The following MTUS2 variants were observed in gnomAD, a reference collection of about 807,000 sequenced individuals.
MTUS2 encodes microtubule associated scaffold protein 2, also known as microtubule-associated tumor suppressor candidate 2.
MTUS2 carries 40 observed loss-of-function variants against 114.1 expected under a neutral mutation model. That is an observed-to-expected ratio of 0.35 (90% confidence interval 0.27 to 0.46). The LOEUF is 0.46. MTUS2 is among the 20% of genes least tolerant of loss of function. The pLI is 1.00. For missense variants in MTUS2, 1,679 were observed against 1,705.4 expected, an observed-to-expected ratio of 0.98 and a Z score of 0.27; for synonymous variants, 688 against 672.0, an observed-to-expected ratio of 1.02 and a Z score of -0.37.
intron 2 of MTUS2, among the ~76,000 whole-genome samples, chr13:28,929,342 AAGAC>A (rs1292607086): frequency 2.0e-5 from 3 of 152,212 alleles, no homozygotes; most frequent in African/African-American, 7.2e-5. Flanking sequence ...GCATAAATAA[AAGAC>A]AAGTATTTAA....
At chr13:29,106,349 A>G (rs1253344981) in intron 5 of MTUS2, among the ~76,000 whole-genome samples, 2 of 152,196 alleles carry the variant, frequency 1.3e-5, no homozygotes, top group Non-Finnish European at 2.9e-5. Context: ...GGGAATTTCA[A>G]AATCAGCATT....
intron 4 of MTUS2, among the ~76,000 whole-genome samples, chr13:29,039,128 A>G (rs113054500): frequency 0.021 from 3,217 of 152,264 alleles, 51 homozygotes; most frequent in Non-Finnish European, 0.032. Context: ...ATTGACATAG[A>G]GGACTTTGTA....
chr13:29,069,119 C>T (rs1183138726), intron 4 of MTUS2, among the ~76,000 whole-genome samples: 2 of 152,012 alleles, frequency 1.3e-5, no homozygotes, highest in Non-Finnish European at 1.5e-5. Context: ...TAATTAAATT[C>T]CTTTATTAGT....
At chr13:29,369,692 C>T (rs1187627529) in intron 8 of MTUS2, among the ~76,000 whole-genome samples, 2 of 152,224 alleles carry the variant, frequency 1.3e-5, no homozygotes, top group Admixed American at 1.3e-4. Context: ...AAAAACACAT[C>T]ACTTCTGCCC....
chr13:29,422,894 T>C (rs1463270604), intron 8 of MTUS2, among the ~76,000 whole-genome samples: 1 of 152,212 alleles, frequency 6.6e-6, no homozygotes, highest in Non-Finnish European at 1.5e-5. Context: ...CCTCCCAAAG[T>C]GCTGGGATTA....
chr13:29,352,063 G>A (rs979123604), intron 7 of MTUS2, among the ~76,000 whole-genome samples: 3 of 152,152 alleles, frequency 2.0e-5, no homozygotes, highest in Admixed American at 2.0e-4. Flanking sequence ...GCATCTGCAA[G>A]TGTTGGTTCT....
intron 4 of MTUS2, among the ~76,000 whole-genome samples, chr13:29,071,516 T>C (rs1888937023): frequency 7.4e-6 from 1 of 134,584 alleles, no homozygotes; most frequent in Non-Finnish European, 1.5e-5. Context: ...AACCTCTGCC[T>C]CCCGGGTTCA....
At chr13:28,997,795 A>T (rs1389674106) in intron 2 of MTUS2, among the ~76,000 whole-genome samples, 1 of 151,930 alleles carries the variant, frequency 6.6e-6, no homozygotes, top group Non-Finnish European at 1.5e-5. Context: ...TCTGCACGTG[A>T]GATGGGTTTC....
chr13:29,469,078 G>T (rs932695943), intron 9 of MTUS2, among the ~76,000 whole-genome samples: 2 of 152,186 alleles, frequency 1.3e-5, no homozygotes, highest in Non-Finnish European at 2.9e-5. Flanking sequence ...TACTGAAGGT[G>T]CCCAACCTCC....
At chr13:29,415,798 A>G (rs140481812) in intron 8 of MTUS2, among the ~76,000 whole-genome samples, 12 of 152,184 alleles carry the variant, frequency 7.9e-5, no homozygotes, top group African/African-American at 2.2e-4. Flanking sequence ...TTACTCTTCA[A>G]TTATGAAAAA....
chr13:29,062,087 C>G (rs940685982), intron 4 of MTUS2, among the ~76,000 whole-genome samples: 7 of 152,156 alleles, frequency 4.6e-5, no homozygotes, highest in African/African-American at 1.7e-4. Context: ...AGGATTCAAG[C>G]AATTCTCGTG....
chr13:28,835,803 A>G (rs937033159), intron 1 of MTUS2, among the ~76,000 whole-genome samples: 1 of 152,208 alleles, frequency 6.6e-6, no homozygotes, highest in Non-Finnish European at 1.5e-5. Flanking sequence ...AAACCTGAGA[A>G]GTTACATGTG....
chr13:28,935,250 T>A (rs945483864), intron 2 of MTUS2, among the ~76,000 whole-genome samples: 1 of 152,152 alleles, frequency 6.6e-6, no homozygotes, highest in African/African-American at 2.4e-5. Flanking sequence ...TTCTGCATGA[T>A]GTTGTTATGA....
intron 8 of MTUS2, among the ~76,000 whole-genome samples, chr13:29,364,790 C>G (rs1389995657): frequency 1.3e-5 from 2 of 152,206 alleles, no homozygotes; most frequent in African/African-American, 4.8e-5. Context: ...TATACCTTAT[C>G]AGAATTGAAA....
At chr13:28,899,617 A>T (rs1196875756) in intron 2 of MTUS2, among the ~76,000 whole-genome samples, 2 of 151,870 alleles carry the variant, frequency 1.3e-5, no homozygotes, top group African/African-American at 4.8e-5. Flanking sequence ...TCACCCTGTT[A>T]GCCAGGATGG....
Position 29,026,694 on chromosome 13 carries a change from G to T in MTUS2, c.1996G>T (p.Gly666Trp). ...GGTGGACGCCTCGCTGGTTCCAGTG[G>T]GGCTTCCATATGCCCCGCCCACATG... Reference protein sequence around the residue: ...GQVDASLVPVGLPYAPPTCTM... With the variant: ...GQVDASLVPVWLPYAPPTCTM... Residue 666 changes from glycine (G) to tryptophan (W), a missense_variant, in exon 3 of 16, where the codon GGG (glycine) becomes TGG (tryptophan). Transcript: ENST00000612955. The T allele has an allele frequency of 6.2e-7, 1 of 1,613,970 alleles. No homozygotes were observed. Among genetic ancestry groups the T allele is most frequent in the Non-Finnish European group, 8.5e-7 (1 of 1,179,890 alleles).
At chr13:28,945,194 T>TATATATATATATATATATACACAC (rs1555276495) in intron 2 of MTUS2, among the ~76,000 whole-genome samples, 2 of 151,000 alleles carry the variant, frequency 1.3e-5, no homozygotes, top group African/African-American at 4.9e-5. Context: ...TATATATATA[T>TATATATATATATATATATACACAC]ACACCACATT....
intron 2 of MTUS2, among the ~76,000 whole-genome samples, chr13:28,982,972 A>G (rs1884425455): frequency 6.6e-6 from 1 of 152,210 alleles, no homozygotes; most frequent in African/African-American, 2.4e-5. Flanking sequence ...TTGCAGAACA[A>G]TGTACTTACT....
At chr13:29,070,133 C>T (rs1171458986) in intron 4 of MTUS2, among the ~76,000 whole-genome samples, 1 of 152,190 alleles carries the variant, frequency 6.6e-6, no homozygotes, top group Non-Finnish European at 1.5e-5. Context: ...TGGACACCAG[C>T]TGTGCTGGGC....
Sources: gnomAD v4.1 joint callset for allele counts (sites outside exome capture counted in the v4.1 genomes callset) on GRCh38, gnomAD v4.1.1 for gene constraint, MANE v1.5 for transcripts, NCBI Gene and HGNC (gene_info 2026-07-23, HGNC 2026-07-21) for gene names.